RBM4: variants seen among roughly 807,000 people sequenced by gnomAD.
RBM4 encodes the protein RNA-binding protein 4.
Under a neutral mutation model 29.5 loss-of-function variants are expected in RBM4, and 7 were observed. The ratio of observed to expected loss-of-function variants is 0.24; its 90% CI spans 0.14 to 0.45. RBM4 has a LOEUF of 0.45. Ranked by LOEUF, RBM4 falls within the 20% of genes least tolerant of loss-of-function variation. The probability of loss-of-function intolerance (pLI) is 1.00; values close to 1 mark genes in which losing one functional copy is unlikely to be tolerated. For synonymous variants in RBM4, 220 were observed against 205.4 expected, an observed-to-expected ratio of 1.07 and a Z score of -0.61; for missense variants, 387 against 502.3, an observed-to-expected ratio of 0.77 and a Z score of 2.19.
At chr11:66,663,196 C>T (rs1323977952) in intron 2 of RBM4, among the ~76,000 whole-genome samples, 1 of 152,036 alleles carries the variant, frequency 6.6e-6, no homozygotes, top group Non-Finnish European at 1.5e-5. Context: ...AATAAGATGT[C>T]CATAATCTAG....
intron 2 of RBM4, among the ~76,000 whole-genome samples, chr11:66,664,617 C>A (rs113180532): frequency 6.6e-6 from 1 of 152,052 alleles, no homozygotes; most frequent in Non-Finnish European, 1.5e-5. Context: ...CCTGCCACCA[C>A]GCCCAGCTAA....
At chr11:66,661,767 C>T (rs1395361455) in intron 2 of RBM4, among the ~76,000 whole-genome samples, 4 of 152,186 alleles carry the variant, frequency 2.6e-5, no homozygotes, top group African/African-American at 7.2e-5. Context: ...TGGTGGCTCA[C>T]GCCTGTAATC....
At chr11:66,650,855 T>A (rs920138773), downstream of RBM4, among the ~76,000 whole-genome samples, 7 of 152,102 alleles carry the variant, frequency 4.6e-5, no homozygotes, top group Non-Finnish European at 8.8e-5. Flanking sequence ...AGAGCTAGAC[T>A]CCGTCTCAAA....
chr11:66,666,131 G>T, exon 3 of RBM4: 1 of 763,910 alleles, frequency 1.3e-6, no homozygotes, highest in Non-Finnish European at 2.0e-6. Context: ...CAGAGTGAGA[G>T]CCACAGTTCC....
chr11:66,639,210 C>G (rs1023235340), intron 1 of RBM4: 1 of 157,692 alleles, frequency 6.3e-6, no homozygotes, highest in South Asian at 1.8e-4. Context: ...CTGTCTGATC[C>G]GAGTCGCGCG....
chr11:66,649,789 G>A, downstream of RBM4: 1 of 701,286 alleles, frequency 1.4e-6, no homozygotes, highest in Non-Finnish European at 2.6e-6. Context: ...GTAGCTCACT[G>A]TAACTTTGAA....
intron 2 of RBM4, among the ~76,000 whole-genome samples, chr11:66,659,233 T>C (rs1304909459): frequency 6.7e-6 from 1 of 149,588 alleles, no homozygotes; most frequent in Non-Finnish European, 1.5e-5. Context: ...TTCAGGGATC[T>C]GGACACCTAG....
At chr11:66,663,700 A>ATGTGTGTG (rs780807357) in intron 2 of RBM4, among the ~76,000 whole-genome samples, 1 of 116,772 alleles carries the variant, frequency 8.6e-6, no homozygotes. Context: ...ATGTGTGTGT[A>ATGTGTGTG]TATGTGTGTG....
rs375664374 is a variant in RBM4, at chr11:66,643,859, A to G, written c.822A>G (p.Arg274=). The G allele has an allele frequency of 1.9e-6, 3 of 1,613,596 alleles. No individual in the cohort carries two copies. Among genetic ancestry groups the G allele is most frequent in the Non-Finnish European group, 2.5e-6 (3 of 1,179,956 alleles). ...CCACCTCTCTCGATCCCTACGATAGACACCTGTTGCCGACCTCAGGAGCTG... is the reference window on the plus strand; with the variant it reads ...CCACCTCTCTCGATCCCTACGATAGGCACCTGTTGCCGACCTCAGGAGCTG... ...LTSTSLDPYD[R]HLLPTSGAAA... Residue 274 remains arginine, a synonymous_variant, in exon 3 of 4, where the codon AGA becomes AGG. Coordinates refer to ENST00000310092, the MANE Select transcript of RBM4 (RefSeq NM_002896.4). This position sits in a 1 kb window ranked among gnomAD's most constrained non-coding sequence, Gnocchi z 6.1.
chr11:66,643,690 T>C lies in RBM4; in HGVS notation c.653T>C (p.Leu218Pro). 1 of 1,614,110 alleles carries C rather than the reference T, an allele frequency of 6.2e-7. No individual in the cohort carries two copies. Among genetic ancestry groups the C allele is most frequent in the Non-Finnish European group, 8.5e-7 (1 of 1,180,020 alleles). Residue 218 changes from leucine (L) to proline (P), a missense_variant, in exon 3 of 4, where the codon CTC becomes CCC. Around this residue, in one of 2 missense-constraint regions of RBM4, gnomAD observed 281 missense variants for 288.7 expected, o/e 0.97. Transcript: ENST00000310092. This position sits in a 1 kb window ranked among gnomAD's most constrained non-coding sequence, Gnocchi z 6.1. The part of the protein sequence containing the change: ...SLYYNNAYGA[L>P]DAYYKRCRAA... ...TATTACAACAACGCGTACGGAGCGC[T>C]CGATGCCTACTACAAGCGCTGCCGT...
chr11:66,658,745 T>C (rs1389191097), intron 2 of RBM4, among the ~76,000 whole-genome samples: 2 of 152,044 alleles, frequency 1.3e-5, no homozygotes, highest in Non-Finnish European at 2.9e-5. Flanking sequence ...GAGACCAGCC[T>C]GGCCAAGGTG....
chr11:66,657,104 T>C (rs1424567968), intron 2 of RBM4, among the ~76,000 whole-genome samples: 2 of 149,242 alleles, frequency 1.3e-5, no homozygotes, highest in East Asian at 3.9e-4. Flanking sequence ...ATCAATTTTT[T>C]AGTCTTTTTT....
At chr11:66,647,579 C>G (rs1401288786), downstream of RBM4, among the ~76,000 whole-genome samples, 1 of 152,068 alleles carries the variant, frequency 6.6e-6, no homozygotes, top group Non-Finnish European at 1.5e-5. Context: ...ACTTTGGTTT[C>G]TTTTTCTCTA....
chr11:66,639,576 G>A, intron 1 of RBM4, 124 bp from the exon 2 acceptor site: 1 of 1,173,884 alleles, frequency 8.5e-7, no homozygotes, highest in East Asian at 2.5e-5. Context: ...TTATTGTGTG[G>A]AGGTGTGTGT....
At position 66,643,976 on chromosome 11, in the gene RBM4, C is replaced by T. The variant is rs200760553; in HGVS notation, c.939C>T (p.Arg313=). Reference sequence around the variant, plus strand: ...GGCGGGATCGGAGCCCCCTGCGTCGCGCTACAGCCCCAGTCCCCACTGTTG... The same window carrying T: ...GGCGGGATCGGAGCCCCCTGCGTCGTGCTACAGCCCCAGTCCCCACTGTTG... ...YYGRDRSPLR[R]ATAPVPTVGE... Residue 313 remains arginine, a synonymous_variant, in exon 3 of 4, where the codon CGC becomes CGT. Coordinates refer to ENST00000310092, the MANE Select transcript of RBM4 (RefSeq NM_002896.4). This position sits in a 1 kb window ranked among gnomAD's most constrained non-coding sequence, Gnocchi z 6.1. The T allele has an allele frequency of 6.2e-5, 100 of 1,613,044 alleles. No homozygotes were observed. The highest frequency in any genetic ancestry group is 1.6e-4 in the Middle Eastern group (1 of 6,084).
At chr11:66,639,615 T>C (rs1938353210) in intron 1 of RBM4, 85 bp from the exon 2 acceptor site, 2 of 1,492,596 alleles carry the variant, frequency 1.3e-6, no homozygotes, top group Non-Finnish European at 1.8e-6. Flanking sequence ...AAACTGGAAA[T>C]ATACATTAGA....
chr11:66,645,517 C>T (rs971309770), intron 3 of RBM4, among the ~76,000 whole-genome samples: 6 of 152,132 alleles, frequency 3.9e-5, no homozygotes, highest in African/African-American at 1.4e-4. Flanking sequence ...TTAGTTTCTT[C>T]CCTAGTTGGA....
intron 3 of RBM4, 75 bp downstream of exon 3, chr11:66,644,215 C>T (rs1351415946): frequency 1.3e-6 from 2 of 1,518,218 alleles, no homozygotes; most frequent in African/African-American, 1.4e-5. Context: ...ATTAGGCTGC[C>T]CTGCTTGCTT....
chr11:66,667,343 G>T (rs1196049433), exon 3 of RBM4: 1 of 152,106 alleles, frequency 6.6e-6, no homozygotes, highest in Non-Finnish European at 1.5e-5. Flanking sequence ...CTATGGCATT[G>T]GCTTTCACCA....
Sources: allele counts gnomAD v4.1 joint callset (sites outside exome capture counted in the v4.1 genomes callset), GRCh38; gene constraint gnomAD v4.1.1; regional missense constraint gnomAD v4.1.1; non-coding constraint Gnocchi (gnomAD v3.1); transcripts MANE v1.5; gene names NCBI Gene and HGNC (gene_info 2026-07-23, HGNC 2026-07-21).